Variants in DPP10 observed in about 807,000 individuals in gnomAD.
DPP10 encodes dipeptidyl peptidase like 10.
Under a neutral mutation model 120.9 loss-of-function variants are expected in DPP10, and 33 were observed. The observed-to-expected ratio is 0.27, with a 90% CI of 0.21 to 0.37. The LOEUF (loss-of-function observed/expected upper bound fraction) is 0.37, where lower values mean the gene tolerates loss of function less well. Among genes scored for constraint, DPP10 ranks in the 10% least tolerant of loss-of-function variants. DPP10 has a pLI of 1.00. For missense variants in DPP10, 816 were observed against 942.8 expected, an observed-to-expected ratio of 0.87 and a Z score of 1.76; for synonymous variants, 337 against 326.1, an observed-to-expected ratio of 1.03 and a Z score of -0.36.
rs142620024 is a variant in DPP10, at chr2:115,453,135, G to T, written c.272-46375G>T. On this transcript the variant is annotated intron_variant, in intron 3 of 25. Coordinates refer to ENST00000410059, the MANE Select transcript of DPP10 (RefSeq NM_020868.6). ...TGTCTTAATCCTTAAAATAAGAAGGGTACATTTTTTTCAATTACTCCTCAC... is the reference window on the plus strand; with the variant it reads ...TGTCTTAATCCTTAAAATAAGAAGGTTACATTTTTTTCAATTACTCCTCAC... Among the ~76,000 whole-genome samples the T allele has an allele frequency of 7.4e-3, 1,119 of 151,374 alleles. 6 individuals carry two copies. The highest frequency in any genetic ancestry group is 0.025 in the African/African-American group (1,023 of 41,394).
intron 5 of DPP10, among the ~76,000 whole-genome samples, chr2:115,527,974 A>G (rs1174577202): frequency 6.6e-6 from 1 of 152,148 alleles, no homozygotes; most frequent in Non-Finnish European, 1.5e-5. Context: ...AACTAAGCAT[A>G]TATTTGGGTT....
At chr2:115,743,502 T>A (rs1677548648) in intron 9 of DPP10, among the ~76,000 whole-genome samples, 1 of 152,188 alleles carries the variant, frequency 6.6e-6, no homozygotes, top group South Asian at 2.1e-4. Flanking sequence ...TTTAATTTAA[T>A]TTCCCGCTTG....
intron 1 of DPP10, among the ~76,000 whole-genome samples, chr2:115,020,961 T>G (rs1221240400): frequency 1.3e-5 from 2 of 151,960 alleles, no homozygotes; most frequent in African/African-American, 4.8e-5. Context: ...TTAAAAAAAT[T>G]TGAACTGAAT....
At chr2:115,197,418 A>G (rs959318075) in intron 1 of DPP10, among the ~76,000 whole-genome samples, 3 of 151,912 alleles carry the variant, frequency 2.0e-5, no homozygotes, top group Non-Finnish European at 2.9e-5. Context: ...AGAAGTAGGC[A>G]AAGAGGAGAA....
intron 5 of DPP10, among the ~76,000 whole-genome samples, chr2:115,641,010 GCTTTGAAAATAGAATAATTA>G (rs1157696004): frequency 6.6e-6 from 1 of 152,086 alleles, no homozygotes; most frequent in Non-Finnish European, 1.5e-5. Flanking sequence ...CTGGAAAATA[GCTTTGAAAATAGAATAATTA>G]CTTTGAAAAT....
intron 2 of DPP10, among the ~76,000 whole-genome samples, chr2:115,313,178 G>A (rs1377919716): frequency 2.0e-5 from 3 of 152,006 alleles, no homozygotes; most frequent in East Asian, 3.9e-4. Flanking sequence ...AGCCCAGATC[G>A]CACCACTGCA....
At chr2:115,663,885 C>T (rs2089226048) in intron 5 of DPP10, among the ~76,000 whole-genome samples, 1 of 151,864 alleles carries the variant, frequency 6.6e-6, no homozygotes, top group Admixed American at 6.6e-5. Context: ...ATCCCAGCTA[C>T]TCGGGAGGCT....
intron 1 of DPP10, among the ~76,000 whole-genome samples, chr2:114,600,133 CTT>C (rs946268502): frequency 6.6e-6 from 1 of 151,478 alleles, no homozygotes; most frequent in African/African-American, 2.4e-5. Context: ...CTGCCAATCT[CTT>C]TGTCTTCCTT....
At chr2:115,732,975 GTAAATA>G (rs919028840) in intron 8 of DPP10, among the ~76,000 whole-genome samples, 11 of 152,192 alleles carry the variant, frequency 7.2e-5, no homozygotes, top group African/African-American at 2.2e-4. Context: ...TTGGAGCATA[GTAAATA>G]TAAATATAAA....
intron 1 of DPP10, among the ~76,000 whole-genome samples, chr2:114,490,088 A>G (rs891665036): frequency 1.3e-5 from 2 of 152,156 alleles, no homozygotes; most frequent in African/African-American, 4.8e-5. Flanking sequence ...ATGCCTTCTG[A>G]ATGACCTCTC....
chr2:114,444,801 C>T (rs1197421050), intron 1 of DPP10, among the ~76,000 whole-genome samples: 1 of 151,962 alleles, frequency 6.6e-6, no homozygotes, highest in Non-Finnish European at 1.5e-5. Context: ...TTTTGTGCAC[C>T]CCATTCCCAA....
chr2:115,632,165 A>G (rs542213799), intron 5 of DPP10, among the ~76,000 whole-genome samples: 5 of 152,284 alleles, frequency 3.3e-5, no homozygotes, highest in South Asian at 2.1e-4. Flanking sequence ...GCATTATGCA[A>G]TGCCCTTCTT....
chr2:115,318,382 A>T (rs2061900620), intron 2 of DPP10, among the ~76,000 whole-genome samples: 1 of 152,120 alleles, frequency 6.6e-6, no homozygotes, highest in African/African-American at 2.4e-5. Flanking sequence ...CTTTAAAAAT[A>T]TATATATTGC....
rs867704541 is a variant in DPP10 at position 115,296,400 on chromosome 2, A to G, written c.61-12839A>G. On this transcript the variant is annotated intron_variant, in intron 1 of 25. Coordinates refer to ENST00000410059, the MANE Select transcript of DPP10 (RefSeq NM_020868.6). ...TGGCTTTTTACTATTTTCTTAACCTATGTTTGGCATCTTACCTGACTCCTG... is the reference window on the plus strand; with the variant it reads ...TGGCTTTTTACTATTTTCTTAACCTGTGTTTGGCATCTTACCTGACTCCTG... Among the ~76,000 whole-genome samples, 11 of 152,124 alleles carry G rather than the reference A, an allele frequency of 7.2e-5. No homozygotes were observed. In the South Asian group the frequency reaches 1.0e-3, roughly 14 times the overall value.
chr2:115,765,392 C>T (rs1680591907), intron 12 of DPP10, among the ~76,000 whole-genome samples: 1 of 152,062 alleles, frequency 6.6e-6, no homozygotes, highest in Non-Finnish European at 1.5e-5. Flanking sequence ...TCATGGTATC[C>T]ATATATTCAT....
At chr2:114,484,316 T>C (rs1411603944) in intron 1 of DPP10, among the ~76,000 whole-genome samples, 1 of 152,122 alleles carries the variant, frequency 6.6e-6, no homozygotes, top group Non-Finnish European at 1.5e-5. Context: ...AGAATGTAAG[T>C]GGAAACTGAG....
intron 1 of DPP10, among the ~76,000 whole-genome samples, chr2:115,230,566 T>C (rs999249429): frequency 6.6e-6 from 1 of 152,196 alleles, no homozygotes; most frequent in East Asian, 1.9e-4. Flanking sequence ...TGAGTTGTTA[T>C]GATTGTAGAC....
chr2:115,668,728 T>A (rs1575482240), intron 5 of DPP10, among the ~76,000 whole-genome samples: 1 of 152,102 alleles, frequency 6.6e-6, no homozygotes, highest in Non-Finnish European at 1.5e-5. Flanking sequence ...TGCACTTCTG[T>A]CTCAGAGAAG....
intron 3 of DPP10, among the ~76,000 whole-genome samples, chr2:115,491,519 T>G (rs1245017010): frequency 3.3e-5 from 5 of 151,928 alleles, no homozygotes; most frequent in African/African-American, 1.2e-4. Context: ...TGTGGATAAT[T>G]TTATGGTGGG....
Sources: gnomAD v4.1 joint callset for allele counts (sites outside exome capture counted in the v4.1 genomes callset) on GRCh38, gnomAD v4.1.1 for gene constraint, MANE v1.5 for transcripts, NCBI Gene and HGNC (gene_info 2026-07-23, HGNC 2026-07-21) for gene names.